ADAMTSL1: variants seen among roughly 807,000 people sequenced by gnomAD.
ADAMTSL1 encodes ADAMTS like 1.
A neutral mutation model predicts 201.8 loss-of-function variants in ADAMTSL1; 126 were observed. The ratio of observed to expected loss-of-function variants is 0.62; its 90% CI spans 0.54 to 0.72. The LOEUF is 0.72. Ranked by LOEUF, ADAMTSL1 falls within the 30% of genes least tolerant of loss-of-function variation. The probability of loss-of-function intolerance (pLI) is 0.00; values close to 1 mark genes in which losing one functional copy is unlikely to be tolerated. For synonymous variants in ADAMTSL1, 1,121 were observed against 903.4 expected (o/e 1.24, Z -4.32); for missense variants, 2,679 against 2,277.8 (o/e 1.18, Z -3.59).
chr9:18,880,678 G>A (rs1449412769), intron 23 of ADAMTSL1, among the ~76,000 whole-genome samples: 1 of 152,146 alleles, frequency 6.6e-6, no homozygotes, highest in African/African-American at 2.4e-5. Context: ...AATTCTTAAG[G>A]GACCCAGGAT....
At chr9:18,612,194 C>T (rs1457170920) in intron 4 of ADAMTSL1, among the ~76,000 whole-genome samples, 2 of 152,190 alleles carry the variant, frequency 1.3e-5, no homozygotes, top group East Asian at 3.9e-4. Context: ...GGTGAAGGAC[C>T]AGAGACATAG....
At chr9:18,425,632 A>G (rs1259879456) in intron 2 of ADAMTSL1, among the ~76,000 whole-genome samples, 2 of 152,092 alleles carry the variant, frequency 1.3e-5, no homozygotes, top group Non-Finnish European at 2.9e-5. Context: ...AGGAGGGAAG[A>G]TGGCTTGAGG....
chr9:18,458,291 C>T (rs1820682406), intron 2 of ADAMTSL1, among the ~76,000 whole-genome samples: 1 of 152,156 alleles, frequency 6.6e-6, no homozygotes, highest in Non-Finnish European at 1.5e-5. Flanking sequence ...CATACACACA[C>T]ACCTGAAATA....
At position 18,892,390 on chromosome 9, in the gene ADAMTSL1, T is replaced by A; in HGVS notation, c.4645T>A (p.Trp1549Arg). 3 of 1,611,466 alleles carry A rather than the reference T, an allele frequency of 1.9e-6. No individual in the cohort carries two copies. Among genetic ancestry groups the A allele is most frequent in the Non-Finnish European group, 2.5e-6 (3 of 1,179,140 alleles). Reference sequence around the variant, plus strand: ...CCTGACACTTCTTCCTCTCCCCAGGTGGATGGTGACCTCCTGGTCTGCCTG... The same window carrying A: ...CCTGACACTTCTTCCTCTCCCCAGGAGGATGGTGACCTCCTGGTCTGCCTG... ...ACNRRDCPSR[W>R]MVTSWSACTR... is the part of the protein sequence containing the mutation. The change falls in exon 26 of 29, where the codon TGG becomes AGG. Residue 1549 changes from tryptophan (W) to arginine (R), a missense_variant and splice_region_variant. Physicochemically the swap from Trp to Arg is moderately radical, Grantham distance 101 (BLOSUM62 -3). Coordinates refer to ENST00000380548, the MANE Select transcript of ADAMTSL1 (RefSeq NM_001040272.6).
intron 2 of ADAMTSL1, among the ~76,000 whole-genome samples, chr9:18,195,263 T>C (rs1829128966): frequency 6.6e-6 from 1 of 152,150 alleles, no homozygotes; most frequent in African/African-American, 2.4e-5. Flanking sequence ...GTCCTTTCTG[T>C]GGGAACAGAC....
At chr9:17,949,695 T>A (rs1827653111) in intron 1 of ADAMTSL1, among the ~76,000 whole-genome samples, 1 of 152,160 alleles carries the variant, frequency 6.6e-6, no homozygotes, top group Non-Finnish European at 1.5e-5. Flanking sequence ...CTTATCTTTC[T>A]TCTCCAGGAC....
chr9:17,931,150 G>A (rs942797247), intron 1 of ADAMTSL1, among the ~76,000 whole-genome samples: 1 of 152,098 alleles, frequency 6.6e-6, no homozygotes, highest in African/African-American at 2.4e-5. Context: ...AATTGTAACC[G>A]AGCTACGACA....
At chr9:18,547,062 T>C (rs1024587340) in intron 3 of ADAMTSL1, among the ~76,000 whole-genome samples, 8 of 152,294 alleles carry the variant, frequency 5.3e-5, no homozygotes, top group Non-Finnish European at 7.4e-5. Context: ...CAAAATGATG[T>C]GTACTTTCTT....
At chr9:18,427,528 A>T (rs557454189) in intron 2 of ADAMTSL1, among the ~76,000 whole-genome samples, 7 of 152,322 alleles carry the variant, frequency 4.6e-5, no homozygotes, top group African/African-American at 1.7e-4. Context: ...GGAAAGAGAA[A>T]TTTTTTTAAG....
At chr9:18,903,786 G>A (rs1010758923) in intron 26 of ADAMTSL1, among the ~76,000 whole-genome samples, 1 of 151,070 alleles carries the variant, frequency 6.6e-6, no homozygotes, top group Non-Finnish European at 1.5e-5. Context: ...CAATCTCACA[G>A]AACCCGCATA....
intron 1 of ADAMTSL1, among the ~76,000 whole-genome samples, chr9:18,474,498 A>G (rs374820510): frequency 1.3e-5 from 2 of 152,152 alleles, no homozygotes; most frequent in Non-Finnish European, 2.9e-5. Flanking sequence ...AGTCTGCAAG[A>G]CTTTCTGGAA....
intron 1 of ADAMTSL1, among the ~76,000 whole-genome samples, chr9:18,500,187 G>C (rs1421164256): frequency 6.6e-6 from 1 of 152,186 alleles, no homozygotes; most frequent in Non-Finnish European, 1.5e-5. Context: ...TAGCTGTCAG[G>C]CTTGGAGCTG....
At chr9:18,623,445 T>C (rs1280920821) in intron 5 of ADAMTSL1, among the ~76,000 whole-genome samples, 1 of 152,146 alleles carries the variant, frequency 6.6e-6, no homozygotes, top group Non-Finnish European at 1.5e-5. Flanking sequence ...GCTCAGAGTC[T>C]GATTCCAGAG....
At chr9:18,821,327 T>A (rs1824196998) in intron 21 of ADAMTSL1, among the ~76,000 whole-genome samples, 1 of 152,134 alleles carries the variant, frequency 6.6e-6, no homozygotes, top group African/African-American at 2.4e-5. Context: ...TCATGCAGGG[T>A]CACAGGATGC....
chr9:18,490,146 A>T (rs1306047409), intron 1 of ADAMTSL1, among the ~76,000 whole-genome samples: 1 of 152,158 alleles, frequency 6.6e-6, no homozygotes, highest in Non-Finnish European at 1.5e-5. Context: ...GTGTCCTGGC[A>T]CACTGAGACC....
chr9:18,249,897 A>C lies in ADAMTSL1; in HGVS notation c.207+85916A>C, dbSNP rs1420938474. ...ACAGGGACAGGGTTCTCCGAGGGGC[A>C]ATCTCTAATGTGTTTGGAATCCCTG... On this transcript the variant is annotated intron_variant, in intron 2 of 29. Coordinates refer to the ADAMTSL1 transcript ENST00000680146. 4.6e-5 allele frequency among the ~76,000 whole-genome samples: 7 copies of C among 152,186 alleles called. No individual in the cohort carries two copies. In the East Asian group the frequency reaches 1.3e-3, roughly 29 times the overall value.
intron 1 of ADAMTSL1, among the ~76,000 whole-genome samples, chr9:18,024,984 T>C (rs1281167893): frequency 6.6e-6 from 1 of 152,064 alleles, no homozygotes; most frequent in African/African-American, 2.4e-5. Context: ...ATGATATCTC[T>C]TTGTGGTTTT....
At chr9:18,341,498 T>A (rs1438180135) in intron 2 of ADAMTSL1, among the ~76,000 whole-genome samples, 2 of 152,158 alleles carry the variant, frequency 1.3e-5, no homozygotes, top group Admixed American at 6.6e-5. Context: ...ATAAATGTCC[T>A]CCATAAATAA....
At chr9:18,582,481 A>G (rs544898605) in intron 4 of ADAMTSL1, among the ~76,000 whole-genome samples, 2 of 152,042 alleles carry the variant, frequency 1.3e-5, no homozygotes, top group Admixed American at 1.3e-4. Context: ...AGGCGATTGA[A>G]TTATGAGAGC....
Sources: gnomAD v4.1 joint callset for allele counts (sites outside exome capture counted in the v4.1 genomes callset) on GRCh38, gnomAD v4.1.1 for gene constraint, MANE v1.5 for transcripts, NCBI Gene and HGNC (gene_info 2026-07-23, HGNC 2026-07-21) for gene names.